Variants in OLFM2 observed in about 807,000 individuals in gnomAD.
OLFM2 encodes olfactomedin 2.
Under a neutral mutation model 43.9 loss-of-function variants are expected in OLFM2, and 20 were observed. The observed-to-expected ratio is 0.46, with a 90% CI of 0.32 to 0.66. OLFM2 has a LOEUF of 0.66. Among genes scored for constraint, OLFM2 ranks in the 30% least tolerant of loss-of-function variants. OLFM2 has a pLI of 0.04. For synonymous variants in OLFM2, 268 were observed against 278.6 expected (o/e 0.96, Z 0.38); for missense variants, 416 against 643.6 (o/e 0.65, Z 3.83).
At chr19:9,911,799 A>G (rs144413701) in intron 1 of OLFM2, among the ~76,000 whole-genome samples, 266 of 152,310 alleles carry the variant, frequency 1.7e-3, no homozygotes, top group African/African-American at 5.9e-3. Context: ...CTTGCTTTCA[A>G]TGGTGGTAGA....
At chr19:9,898,533 A>AT (rs201321889) in intron 1 of OLFM2, among the ~76,000 whole-genome samples, 1 of 150,754 alleles carries the variant, frequency 6.6e-6, no homozygotes, top group Non-Finnish European at 1.5e-5. Context: ...AAAAAAAAAA[A>AT]TTTTTTTGTG....
chr19:9,918,651 G>A (rs1321549323), intron 1 of OLFM2, among the ~76,000 whole-genome samples: 2 of 152,046 alleles, frequency 1.3e-5, no homozygotes, highest in Non-Finnish European at 2.9e-5. Context: ...AACAAATTGC[G>A]GTACATCCAT....
rs563699445 is a variant in OLFM2, at chr19:9,876,267, C to T, written c.64-15473G>A. Among the ~76,000 whole-genome samples the T allele has an allele frequency of 4.7e-3, 713 of 152,270 alleles. 1 individual carries two copies. The highest frequency in any genetic ancestry group is 6.8e-3 in the Middle Eastern group (2 of 294). On this transcript the variant is annotated intron_variant, in intron 1 of 5. Coordinates refer to ENST00000264833, the MANE Select transcript of OLFM2 (RefSeq NM_058164.4). ...TGGATTTCTGAAATCAATCCGTCCG[C>T]GTGTGGAAAAGGTCGCCATGGGGGA...
Position 9,857,962 on chromosome 19 carries a change from C to T in OLFM2, c.214-101G>A, listed in dbSNP as rs115290426. 6.8e-7 allele frequency: 1 copy of T among 1,480,070 alleles called. No individual in the cohort carries two copies. Among genetic ancestry groups the T allele is most frequent in the African/African-American group, 1.4e-5 (1 of 72,186 alleles). 91.7% of individuals were successfully genotyped at this position (1,480,070 alleles called of 1,614,324 possible). On this transcript the variant is annotated intron_variant, in intron 2 of 5. Transcript: ENST00000264833. This position sits in a 1 kb window ranked among gnomAD's most constrained non-coding sequence, Gnocchi z 5.7. ...GGCAGGAACAGAGGCTGTACAAACACCACACCGACGAGGCCACCTTCTCCT... is the reference window on the plus strand; with the variant it reads ...GGCAGGAACAGAGGCTGTACAAACATCACACCGACGAGGCCACCTTCTCCT...
intron 1 of OLFM2, among the ~76,000 whole-genome samples, chr19:9,896,004 G>A (rs1321943594): frequency 3.3e-5 from 5 of 151,806 alleles, no homozygotes; most frequent in African/African-American, 7.3e-5. Flanking sequence ...CCTTAATGTC[G>A]CCACAAGAGC....
At position 9,894,528 on chromosome 19, in the gene OLFM2, G is replaced by A. The variant is rs989924644; in HGVS notation, c.64-33734C>T. ...AGTTCGAGACCACCCTGACCAACAC[G>A]GAGAAACCCCGTCTCTACTAAAAAT... On this transcript the variant is annotated intron_variant, in intron 1 of 5. Transcript: ENST00000264833. Among the ~76,000 whole-genome samples the A allele has an allele frequency of 6.6e-5, 10 of 151,688 alleles. No homozygotes were observed. In the East Asian group the frequency reaches 1.5e-3, roughly 24 times the overall value.
chr19:9,853,853 CAAG>C lies in OLFM2; in HGVS notation c.*330_*332del. 1 of 498,546 alleles carries C rather than the reference CAAG, an allele frequency of 2.0e-6. No homozygotes were observed. 30.9% of individuals were successfully genotyped at this position (498,546 alleles called of 1,614,324 possible). On this transcript the variant is annotated 3_prime_UTR_variant, in exon 6 of 6. Coordinates refer to ENST00000264833, the MANE Select transcript of OLFM2 (RefSeq NM_058164.4). ...TGAGGGATGAGGAATGGGTGGGAAG[CAAG>C]GAGGGAGGGGTGGAAGGACAGAGAG...
chr19:9,873,189 C>G (rs964001864), intron 1 of OLFM2, among the ~76,000 whole-genome samples: 15 of 152,174 alleles, frequency 9.9e-5, no homozygotes, highest in African/African-American at 3.6e-4. Context: ...GCCGCGCAGG[C>G]TGGAGTGCAG....
intron 1 of OLFM2, among the ~76,000 whole-genome samples, chr19:9,871,829 C>T (rs987869483): frequency 6.6e-6 from 1 of 152,152 alleles, no homozygotes; most frequent in African/African-American, 2.4e-5. Context: ...ACAATTCATC[C>T]GTGATCCTCA....
chr19:9,886,964 G>A (rs2046593044), intron 1 of OLFM2, among the ~76,000 whole-genome samples: 1 of 151,908 alleles, frequency 6.6e-6, no homozygotes, highest in Non-Finnish European at 1.5e-5. Context: ...TTACAGGTGT[G>A]AGCCACCGTG....
Position 9,895,444 on chromosome 19 carries a change from G to A in OLFM2, c.64-34650C>T, listed in dbSNP as rs540597062. Among the ~76,000 whole-genome samples the A allele has an allele frequency of 9.2e-5, 14 of 152,092 alleles. 1 individual carries two copies. The South Asian group carries it at 2.9e-3, about 32-fold the overall frequency. Reference sequence around the variant, plus strand: ...TGAGAAGTCAAGGCTTCAGTGAGCCGTGATCACACCACTACACTCCAGCCT... The same window carrying A: ...TGAGAAGTCAAGGCTTCAGTGAGCCATGATCACACCACTACACTCCAGCCT... On this transcript the variant is annotated intron_variant, in intron 1 of 5. Transcript: ENST00000264833.
At chr19:9,884,448 G>A (rs2046568453) in intron 1 of OLFM2, among the ~76,000 whole-genome samples, 1 of 151,936 alleles carries the variant, frequency 6.6e-6, no homozygotes, top group African/African-American at 2.4e-5. Flanking sequence ...GTGGTGGCAG[G>A]TGCCTGTAGT....
chr19:9,901,911 A>C lies in OLFM2; in HGVS notation c.63+34393T>G, dbSNP rs567962361. ...ATATGTATGTCTGTGTGCTGTTGCC[A>C]ATGGCAATAAACATTCCTTTTGTTC... On this transcript the variant is annotated intron_variant, in intron 1 of 5. Coordinates refer to ENST00000264833, the MANE Select transcript of OLFM2 (RefSeq NM_058164.4). Among the ~76,000 whole-genome samples, 17 of 152,332 alleles carry C rather than the reference A, an allele frequency of 1.1e-4. 1 individual carries two copies. In the South Asian group the frequency reaches 3.5e-3, roughly 32 times the overall value.
rs531444395 is a variant in OLFM2, at chr19:9,908,369, C to T, written c.63+27935G>A. Among the ~76,000 whole-genome samples the T allele has an allele frequency of 4.0e-5, 6 of 151,300 alleles. No individual in the cohort carries two copies. In the South Asian group the frequency reaches 8.4e-4, roughly 21 times the overall value. ...TCACCCAGGCTGGAGTGCAATGGCGCGATCTCGGCTCACTGCAACCTCTGC... is the reference window on the plus strand; with the variant it reads ...TCACCCAGGCTGGAGTGCAATGGCGTGATCTCGGCTCACTGCAACCTCTGC... On this transcript the variant is annotated intron_variant, in intron 1 of 5. Coordinates refer to ENST00000264833, the MANE Select transcript of OLFM2 (RefSeq NM_058164.4).
chr19:9,859,075 CTCAG>C (rs1430401139), intron 2 of OLFM2, among the ~76,000 whole-genome samples: 3 of 152,272 alleles, frequency 2.0e-5, no homozygotes, highest in East Asian at 3.8e-4. Context: ...CTAAGGTAAA[CTCAG>C]TCAGAGTTAC....
chr19:9,889,313 G>A (rs930221053), intron 1 of OLFM2, among the ~76,000 whole-genome samples: 1 of 151,892 alleles, frequency 6.6e-6, no homozygotes, highest in African/African-American at 2.4e-5. Context: ...GCAGTGGCGC[G>A]ATCACAGCAC....
rs1463773981 is a variant in OLFM2 at position 9,856,768 on chromosome 19, T to TCCCAGGCCCTGAC, written c.687+26_687+38dup. The TCCCAGGCCCTGAC allele has an allele frequency of 6.5e-7, 1 of 1,543,670 alleles. No homozygotes were observed. The highest frequency in any genetic ancestry group is 1.1e-5 in the South Asian group (1 of 87,400). On this transcript the variant is annotated intron_variant, in intron 5 of 5. Coordinates refer to ENST00000264833, the MANE Select transcript of OLFM2 (RefSeq NM_058164.4). The surrounding 1 kb of genome is among the most constrained non-coding windows in gnomAD (Gnocchi z 4.0). The stretch of plus-strand genomic sequence containing the variant: ...TATGGGCAGTCAAAGGCTCTGTCCC[T>TCCCAGGCCCTGAC]CCCAGGCCCTGACCCCAGGGGTGGG...
intron 1 of OLFM2, among the ~76,000 whole-genome samples, chr19:9,905,670 A>C (rs536706115): frequency 1.3e-5 from 2 of 151,500 alleles, no homozygotes; most frequent in South Asian, 2.1e-4. Flanking sequence ...TTGAGCCACT[A>C]GTGCTGAAGG....
Position 9,853,883 on chromosome 19 carries a change from G to A in OLFM2, c.*303C>T, listed in dbSNP as rs2046290646. The A allele has an allele frequency of 1.8e-6, 1 of 557,244 alleles. No individual in the cohort carries two copies. Among genetic ancestry groups the A allele is most frequent in the South Asian group, 2.6e-5 (1 of 39,064 alleles). The allele number at this position is 557,244 out of a possible 1,614,324, so 34.5% of individuals were successfully genotyped here. On this transcript the variant is annotated 3_prime_UTR_variant, in exon 6 of 6. Coordinates refer to ENST00000264833, the MANE Select transcript of OLFM2 (RefSeq NM_058164.4). ...AGGGAGGGGTGGAAGGACAGAGAGA[G>A]AGAGACAGAGAGAGGCAGAGACGGA... is the stretch of plus-strand genomic sequence containing the variant.
Sources: allele counts gnomAD v4.1 joint callset (sites outside exome capture counted in the v4.1 genomes callset), GRCh38; gene constraint gnomAD v4.1.1; non-coding constraint Gnocchi (gnomAD v3.1); transcripts MANE v1.5; gene names NCBI Gene and HGNC (gene_info 2026-07-23, HGNC 2026-07-21).